RSU1: variants seen among roughly 807,000 people sequenced by gnomAD.
RSU1 encodes the protein rsu-1.
RSU1 carries 26 observed loss-of-function variants against 31.1 expected under a neutral mutation model. The observed-to-expected ratio is 0.84, with a 90% CI of 0.61 to 1.16. The LOEUF is 1.16. RSU1 is among the 50% of genes most tolerant of loss of function. The pLI, the probability that RSU1 is intolerant of heterozygous loss-of-function variation, is 0.00. For synonymous variants in RSU1, 164 were observed against 136.3 expected, an observed-to-expected ratio of 1.20 and a Z score of -1.41; for missense variants, 320 against 339.1, an observed-to-expected ratio of 0.94 and a Z score of 0.44.
chr10:16,615,636 A>G (rs1308352418), intron 8 of RSU1, among the ~76,000 whole-genome samples: 1 of 152,222 alleles, frequency 6.6e-6, no homozygotes, highest in East Asian at 1.9e-4. Context: ...AATTTGAACT[A>G]AAACGCTCCT....
chr10:16,667,372 G>C (rs568890936), intron 8 of RSU1, among the ~76,000 whole-genome samples: 1 of 152,090 alleles, frequency 6.6e-6, no homozygotes, highest in Non-Finnish European at 1.5e-5. Flanking sequence ...GAGTACTAGC[G>C]AGTGACATGA....
chr10:16,755,580 T>A (rs1217510099), intron 4 of RSU1, among the ~76,000 whole-genome samples: 1 of 151,726 alleles, frequency 6.6e-6, no homozygotes, highest in Non-Finnish European at 1.5e-5. Flanking sequence ...CTCATATGCT[T>A]GTCATTTTTT....
intron 7 of RSU1, among the ~76,000 whole-genome samples, chr10:16,706,456 T>C (rs1835905136): frequency 6.6e-6 from 1 of 152,246 alleles, no homozygotes; most frequent in Admixed American, 6.5e-5. Flanking sequence ...GTGTTTTTTA[T>C]TGTTGCTGCT....
chr10:16,805,322 T>C (rs1246528369), intron 2 of RSU1, among the ~76,000 whole-genome samples: 2 of 152,210 alleles, frequency 1.3e-5, no homozygotes, highest in Non-Finnish European at 2.9e-5. Context: ...AGGAGAGACG[T>C]GGATCTGTAC....
At chr10:16,621,652 A>G (rs1163649298) in intron 8 of RSU1, among the ~76,000 whole-genome samples, 1 of 152,218 alleles carries the variant, frequency 6.6e-6, no homozygotes, top group Non-Finnish European at 1.5e-5. Context: ...GGCACATCTT[A>G]CATGGCGGCA....
intron 3 of RSU1, among the ~76,000 whole-genome samples, chr10:16,778,685 T>C (rs1023032681): frequency 2.0e-5 from 3 of 151,248 alleles, no homozygotes; most frequent in Non-Finnish European, 4.4e-5. Context: ...GAGAGGCTGG[T>C]AGAGAGGAGG....
At chr10:16,785,975 C>CA (rs1837783707) in intron 2 of RSU1, among the ~76,000 whole-genome samples, 1 of 152,172 alleles carries the variant, frequency 6.6e-6, no homozygotes, top group African/African-American at 2.4e-5. Flanking sequence ...CCCCACCCCC[C>CA]ACAATTGGGA....
intron 8 of RSU1, among the ~76,000 whole-genome samples, chr10:16,617,713 C>T (rs1369349219): frequency 6.6e-6 from 1 of 152,064 alleles, no homozygotes; most frequent in Non-Finnish European, 1.5e-5. Context: ...CTTCGACAAA[C>T]CTGACAAAAG....
chr10:16,648,958 T>TTA (rs1391074267), intron 8 of RSU1, among the ~76,000 whole-genome samples: 6 of 152,132 alleles, frequency 3.9e-5, no homozygotes, highest in Admixed American at 3.9e-4. Context: ...AAGACTTCTG[T>TTA]GGTATATTCA....
intron 8 of RSU1, among the ~76,000 whole-genome samples, chr10:16,670,735 T>C (rs1376143335): frequency 1.3e-5 from 2 of 152,140 alleles, no homozygotes; most frequent in Non-Finnish European, 2.9e-5. Context: ...GTTCCCTTGG[T>C]CAGTACTGGT....
chr10:16,788,311 T>C (rs1837837403), intron 2 of RSU1, among the ~76,000 whole-genome samples: 1 of 152,130 alleles, frequency 6.6e-6, no homozygotes. Context: ...GACTACACAT[T>C]TGAACGTTTT....
intron 7 of RSU1, among the ~76,000 whole-genome samples, chr10:16,744,689 C>A (rs902336017): frequency 6.6e-5 from 10 of 152,176 alleles, no homozygotes; most frequent in Admixed American, 6.5e-4. Context: ...GAGCTTTTTA[C>A]ACAGAACAAC....
At position 16,816,962 on chromosome 10, in the gene RSU1, C is replaced by G. The variant is rs1334746442; in HGVS notation, c.109+11G>C. 2 of 1,587,450 alleles carry G rather than the reference C, an allele frequency of 1.3e-6. No homozygotes were observed. The highest frequency in any genetic ancestry group is 1.7e-6 in the Non-Finnish European group (2 of 1,155,800). On this transcript the variant is annotated intron_variant, in intron 2 of 8. Transcript: ENST00000345264. ...AGCTCATCCACGGGAGAGTCCTGCC[C>G]GAGAACTCACAGAGGCCGTTGACAT...
At chr10:16,667,946 A>G (rs1835029725) in intron 8 of RSU1, among the ~76,000 whole-genome samples, 1 of 152,248 alleles carries the variant, frequency 6.6e-6, no homozygotes, top group Non-Finnish European at 1.5e-5. Flanking sequence ...TATTAATCAA[A>G]TAACCACACA....
intron 8 of RSU1, among the ~76,000 whole-genome samples, chr10:16,691,379 G>GTTTTTTT (rs371190541): frequency 9.7e-5 from 13 of 133,812 alleles, no homozygotes; most frequent in African/African-American, 2.8e-4. Context: ...TTTTTGTGCA[G>GTTTTTTT]TTTTTTTTTT....
At chr10:16,664,930 A>T (rs1416493248) in intron 8 of RSU1, among the ~76,000 whole-genome samples, 1 of 151,966 alleles carries the variant, frequency 6.6e-6, no homozygotes, top group African/African-American at 2.4e-5. Context: ...TGTCTGACTC[A>T]GTTCTTTTTT....
rs1156579604 is a variant in RSU1, at chr10:16,593,389, C to T, written c.*5G>A. The T allele has an allele frequency of 6.2e-7, 1 of 1,614,060 alleles. No individual in the cohort carries two copies. The stretch of plus-strand genomic sequence containing the variant: ...CTGGAAGGCCAGCCGATGCCAATCC[C>T]TTCCTTATCTGTTCTTGGCTGCCAG... On this transcript the variant is annotated 3_prime_UTR_variant, in exon 9 of 9. Transcript: ENST00000345264.
chr10:16,680,747 C>T (rs1835316014), intron 8 of RSU1, among the ~76,000 whole-genome samples: 2 of 152,150 alleles, frequency 1.3e-5, no homozygotes, highest in East Asian at 1.9e-4. Flanking sequence ...GATCCAAACA[C>T]CTCCCACCAG....
rs1564298680 is a variant in RSU1 at position 16,646,056 on chromosome 10, A to ATATATGTG, written c.731+48966_731+48967insCACATATA. ...TGTGTATATACATATATGTGTATAT[A>ATATATGTG]TATATACACACACACACACACACAC... On this transcript the variant is annotated intron_variant, in intron 8 of 8. Transcript: ENST00000345264. Among the ~76,000 whole-genome samples the ATATATGTG allele has an allele frequency of 6.7e-5, 2 of 29,918 alleles. 1 individual carries two copies. Among genetic ancestry groups the ATATATGTG allele is most frequent in the African/African-American group, 2.3e-4 (2 of 8,666 alleles). 19.6% of individuals were successfully genotyped at this position (29,918 alleles called of 152,430 possible).
Sources: allele counts gnomAD v4.1 joint callset (sites outside exome capture counted in the v4.1 genomes callset), GRCh38; gene constraint gnomAD v4.1.1; transcripts MANE v1.5; gene names NCBI Gene and HGNC (gene_info 2026-07-23, HGNC 2026-07-21).